The following ITSN1 variants were observed in gnomAD, a reference collection of about 807,000 sequenced individuals.
ITSN1 encodes intersectin-1.
ITSN1 carries 58 observed loss-of-function variants against 239.8 expected under a neutral mutation model. That is an observed-to-expected ratio of 0.24 (90% confidence interval 0.20 to 0.30). ITSN1 has a LOEUF of 0.30. Ranked by LOEUF, ITSN1 falls within the 10% of genes least tolerant of loss-of-function variation. The pLI is 1.00. For missense variants in ITSN1, 1,558 were observed against 2,103.3 expected (o/e 0.74, Z 5.07); for synonymous variants, 780 against 770.8 (o/e 1.01, Z -0.20).
chr21:33,746,758 C>T (rs2067208662), intron 5 of ITSN1, among the ~76,000 whole-genome samples: 1 of 152,072 alleles, frequency 6.6e-6, no homozygotes, highest in South Asian at 2.1e-4. Context: ...AGGAGAATCC[C>T]TTGAAGCCGG....
At chr21:33,785,051 A>C (rs188552611) in intron 16 of ITSN1, among the ~76,000 whole-genome samples, 1 of 152,304 alleles carries the variant, frequency 6.6e-6, no homozygotes, top group Admixed American at 6.5e-5. Context: ...AGAGTACAGA[A>C]AAGAAATTAG....
At chr21:33,886,036 G>A (rs1352564243) in intron 38 of ITSN1, among the ~76,000 whole-genome samples, 2 of 151,882 alleles carry the variant, frequency 1.3e-5, no homozygotes, top group African/African-American at 2.4e-5. Context: ...GTGAAAGCCC[G>A]TCTTTACTAA....
chr21:33,836,638 T>A lies in ITSN1; in HGVS notation c.3661+6T>A. The A allele has an allele frequency of 1.2e-6, 2 of 1,610,932 alleles. No homozygotes were observed. Among genetic ancestry groups the A allele is most frequent in the Non-Finnish European group, 1.7e-6 (2 of 1,177,590 alleles). On this transcript the variant is annotated splice_donor_region_variant and intron_variant, in intron 29 of 39. Transcript: ENST00000381318. ...CATGGACCCAAGCCAGCAATGTAAG[T>A]GCCCTGGTGGCTCTGTCGCCTCGCC...
At chr21:33,695,151 G>A (rs1258076672) in intron 1 of ITSN1, among the ~76,000 whole-genome samples, 1 of 152,226 alleles carries the variant, frequency 6.6e-6, no homozygotes, top group South Asian at 2.1e-4. Flanking sequence ...CCTATGATAC[G>A]CTTTCCAAAG....
chr21:33,883,127 G>A (rs1345631031), intron 35 of ITSN1, among the ~76,000 whole-genome samples: 3 of 152,172 alleles, frequency 2.0e-5, no homozygotes, highest in African/African-American at 7.2e-5. Flanking sequence ...ATCTTTGGAG[G>A]GAATTGCTTG....
At chr21:33,828,819 C>T (rs548870711) in intron 26 of ITSN1, 308 of 389,114 alleles carry the variant, frequency 7.9e-4, no homozygotes, top group Non-Finnish European at 1.3e-3. Flanking sequence ...CTCCTGGGCC[C>T]GTGGAAATGG....
intron 1 of ITSN1, among the ~76,000 whole-genome samples, chr21:33,686,121 G>A (rs2091222282): frequency 6.6e-6 from 1 of 152,188 alleles, no homozygotes; most frequent in Non-Finnish European, 1.5e-5. Flanking sequence ...GTTCAAGAAT[G>A]TCATTAGCAG....
intron 16 of ITSN1, among the ~76,000 whole-genome samples, chr21:33,782,497 A>G (rs1324992938): frequency 6.6e-6 from 1 of 152,078 alleles, no homozygotes; most frequent in Non-Finnish European, 1.5e-5. Context: ...GCCACTTCTT[A>G]TCTTCATTGC....
At chr21:33,831,247 C>T (rs562432861) in intron 27 of ITSN1, among the ~76,000 whole-genome samples, 86 of 152,342 alleles carry the variant, frequency 5.6e-4, no homozygotes, top group African/African-American at 2.0e-3. Flanking sequence ...GGCTTGCCCA[C>T]ATGGGGCCTA....
chr21:33,832,692 C>T (rs1410804975), intron 27 of ITSN1, among the ~76,000 whole-genome samples: 2 of 152,082 alleles, frequency 1.3e-5, no homozygotes, highest in African/African-American at 2.4e-5. Context: ...CTTCAGTCAT[C>T]GGCAGGTTCA....
chr21:33,683,745 C>T (rs1376501623), intron 1 of ITSN1, among the ~76,000 whole-genome samples: 4 of 152,174 alleles, frequency 2.6e-5, no homozygotes, highest in Non-Finnish European at 5.9e-5. Context: ...AACTCCTGTG[C>T]TTAATGCAGT....
intron 1 of ITSN1, among the ~76,000 whole-genome samples, chr21:33,655,583 A>ATTTTTTTTTTTTTTTTTTTTTTT (rs756792867): frequency 7.9e-6 from 1 of 126,100 alleles, no homozygotes; most frequent in Non-Finnish European, 1.6e-5. Context: ...TGCCTGGCTA[A>ATTTTTTTTTTTTTTTTTTTTTTT]TTTTTTTTTT....
At chr21:33,886,760 A>G (rs574092509) in intron 39 of ITSN1, among the ~76,000 whole-genome samples, 2 of 152,342 alleles carry the variant, frequency 1.3e-5, no homozygotes, top group Non-Finnish European at 2.9e-5. Flanking sequence ...GAGCCTCAGC[A>G]TAGTTCTTCA....
chr21:33,697,021 G>A (rs1313731429), intron 1 of ITSN1, among the ~76,000 whole-genome samples: 1 of 151,670 alleles, frequency 6.6e-6, no homozygotes, highest in South Asian at 2.1e-4. Flanking sequence ...TTATGTATGG[G>A]CTTTGCAATG....
At chr21:33,675,720 A>G (rs895165614) in intron 1 of ITSN1, among the ~76,000 whole-genome samples, 3 of 152,212 alleles carry the variant, frequency 2.0e-5, no homozygotes, top group Non-Finnish European at 2.9e-5. Flanking sequence ...CTGATAGGTG[A>G]AAATAGTATC....
chr21:33,831,670 G>A (rs1247215606), intron 27 of ITSN1, among the ~76,000 whole-genome samples: 2 of 152,258 alleles, frequency 1.3e-5, no homozygotes, highest in South Asian at 2.1e-4. Context: ...CTACCACTCT[G>A]TGGAAGTGAG....
chr21:33,735,504 A>G, intron 5 of ITSN1: 1 of 346,572 alleles, frequency 2.9e-6, no homozygotes, highest in African/African-American at 2.2e-5. Context: ...TTTCTCTTCC[A>G]TTATCCTTCA....
rs2072072036 is a variant in ITSN1 at position 33,802,420 on chromosome 21, C to G, written c.2305-10C>G. 1.2e-6 allele frequency: 2 copies of G among 1,612,810 alleles called. No individual in the cohort carries two copies. Among genetic ancestry groups the G allele is most frequent in the South Asian group, 1.1e-5 (1 of 90,864 alleles). Reference sequence around the variant, plus strand: ...TGCCTTGCTTTCAAACCTTTGCTTTCCTGGTGGAGGTTAAAGGGGAATGGG... The same window carrying G: ...TGCCTTGCTTTCAAACCTTTGCTTTGCTGGTGGAGGTTAAAGGGGAATGGG... On this transcript the variant is annotated splice_polypyrimidine_tract_variant and intron_variant, in intron 19 of 39. Coordinates refer to ENST00000381318, the MANE Select transcript of ITSN1 (RefSeq NM_003024.3).
At chr21:33,817,596 A>G (rs2073375193) in intron 22 of ITSN1, 1 of 1,296,464 alleles carries the variant, frequency 7.7e-7, no homozygotes, top group Admixed American at 2.3e-5. Context: ...CCTGCTAGTA[A>G]TACTGCCCAT....
Sources: allele counts gnomAD v4.1 joint callset (sites outside exome capture counted in the v4.1 genomes callset), GRCh38; gene constraint gnomAD v4.1.1; transcripts MANE v1.5; gene names NCBI Gene and HGNC (gene_info 2026-07-23, HGNC 2026-07-21).